FBXL20: variants seen among roughly 807,000 people sequenced by gnomAD.
FBXL20 encodes the protein F-box and leucine rich repeat protein 20, also known as F-box/LRR-repeat protein 20.
A neutral mutation model predicts 64.0 loss-of-function variants in FBXL20; 11 were observed. The ratio of observed to expected loss-of-function variants is 0.17; its 90% confidence interval spans 0.11 to 0.28. The LOEUF is 0.28. FBXL20 is among the 10% of genes least tolerant of loss of function. FBXL20 has a pLI of 1.00. For missense variants in FBXL20, 303 were observed against 526.2 expected (o/e 0.58, Z 4.15); for synonymous variants, 184 against 189.0 (o/e 0.97, Z 0.22).
At chr17:39,286,909 C>CTTT (rs35221372) in intron 6 of FBXL20, among the ~76,000 whole-genome samples, 16 of 114,554 alleles carry the variant, frequency 1.4e-4, no homozygotes, top group South Asian at 2.6e-4. Flanking sequence ...GTATCTATTT[C>CTTT]TTTTTTTTTT....
intron 2 of FBXL20, among the ~76,000 whole-genome samples, chr17:39,325,026 G>C (rs1353810036): frequency 6.6e-5 from 10 of 152,152 alleles, no homozygotes; most frequent in Non-Finnish European, 2.9e-5. Flanking sequence ...TGGAGAATAT[G>C]GCAAAACTCT....
chr17:39,351,367 A>T (rs1254677524), intron 1 of FBXL20, among the ~76,000 whole-genome samples: 4 of 151,978 alleles, frequency 2.6e-5, no homozygotes, highest in African/African-American at 9.7e-5. Context: ...GAATCCTAAA[A>T]GTAGACACAA....
At position 39,298,716 on chromosome 17, in the gene FBXL20, A is replaced by T. The variant is rs181547188; in HGVS notation, c.329+274T>A. ...GTGATAGTGTGAGACCTTGTCTCAA[A>T]ACATAAAATAAAAATATTAATTAAT... On this transcript the variant is annotated intron_variant, in intron 5 of 14. Coordinates refer to ENST00000264658, the MANE Select transcript of FBXL20 (RefSeq NM_032875.3). 5.3e-5 allele frequency among the ~76,000 whole-genome samples: 8 copies of T among 152,270 alleles called. No homozygotes were observed. In the East Asian group the frequency reaches 1.3e-3, roughly 26 times the overall value.
rs2046680214 is a variant in FBXL20, at chr17:39,254,799, A to G, written c.*6661T>C. ...CATTTTACCATGCCGATTCTTCAAA[A>G]TAAGACTATAAAACATAAAACAGAA... is the stretch of plus-strand genomic sequence containing the variant. On this transcript the variant is annotated 3_prime_UTR_variant, in exon 15 of 15. Coordinates refer to ENST00000264658, the MANE Select transcript of FBXL20 (RefSeq NM_032875.3). 1 of 154,500 alleles carries G rather than the reference A, an allele frequency of 6.5e-6. No individual in the cohort carries two copies. The highest frequency in any genetic ancestry group is 2.4e-5 in the African/African-American group (1 of 41,516). The allele number at this position is 154,500 out of a possible 1,614,324, so 9.6% of individuals were successfully genotyped here.
At chr17:39,359,387 G>A (rs2047772768) in intron 1 of FBXL20, among the ~76,000 whole-genome samples, 1 of 152,060 alleles carries the variant, frequency 6.6e-6, no homozygotes, top group Non-Finnish European at 1.5e-5. Context: ...CACTTTGGGA[G>A]GCCAAGGCGG....
chr17:39,380,916 T>C (rs1359885422), intron 1 of FBXL20, among the ~76,000 whole-genome samples: 1 of 151,952 alleles, frequency 6.6e-6, no homozygotes, highest in Non-Finnish European at 1.5e-5. Flanking sequence ...TCCCAGTACT[T>C]AGGGAAGCAG....
At chr17:39,319,247 CAA>C (rs564575646) in intron 2 of FBXL20, among the ~76,000 whole-genome samples, 2 of 143,230 alleles carry the variant, frequency 1.4e-5, no homozygotes, top group Non-Finnish European at 3.1e-5. Flanking sequence ...GACTCCATCT[CAA>C]AAAAAAAAGA....
intron 7 of FBXL20, among the ~76,000 whole-genome samples, chr17:39,284,374 T>C (rs752978776): frequency 1.7e-4 from 26 of 152,192 alleles, no homozygotes; most frequent in Non-Finnish European, 7.3e-5. Context: ...TATACTCTAC[T>C]TAACTAAATT....
chr17:39,315,816 T>TGAGAGA (rs1350670159), intron 2 of FBXL20, among the ~76,000 whole-genome samples: 2 of 61,292 alleles, frequency 3.3e-5, no homozygotes, highest in African/African-American at 1.2e-4. Flanking sequence ...TGAGAGAGAG[T>TGAGAGA]GAGAGAGAGA....
chr17:39,294,990 C>T (rs1202984340), intron 6 of FBXL20, among the ~76,000 whole-genome samples: 4 of 152,148 alleles, frequency 2.6e-5, no homozygotes, highest in Non-Finnish European at 5.9e-5. Flanking sequence ...AGTTAATGCA[C>T]TCATATGAGA....
chr17:39,347,166 T>C (rs1374879004), intron 1 of FBXL20, among the ~76,000 whole-genome samples: 14 of 152,224 alleles, frequency 9.2e-5, no homozygotes, highest in Admixed American at 9.2e-4. Flanking sequence ...TGCATGTGTC[T>C]TTATAGCAGC....
chr17:39,387,798 G>A (rs1294727178), intron 1 of FBXL20, among the ~76,000 whole-genome samples: 1 of 151,966 alleles, frequency 6.6e-6, no homozygotes, highest in East Asian at 1.9e-4. Context: ...AGCTGGTCTT[G>A]AACTCCTGGG....
intron 10 of FBXL20, among the ~76,000 whole-genome samples, chr17:39,271,459 G>T (rs1219498367): frequency 1.3e-5 from 2 of 152,014 alleles, no homozygotes; most frequent in East Asian, 1.9e-4. Context: ...TTAGTCTGGC[G>T]TGGTGGCGGG....
chr17:39,351,876 C>G (rs1201625136), intron 1 of FBXL20, among the ~76,000 whole-genome samples: 1 of 152,060 alleles, frequency 6.6e-6, no homozygotes, highest in Non-Finnish European at 1.5e-5. Flanking sequence ...TTTTAAAAAG[C>G]TAAGCAACTT....
Position 39,282,640 on chromosome 17 carries a change from T to C in FBXL20, c.621+89A>G. The C allele has an allele frequency of 3.8e-6, 6 of 1,559,484 alleles. No homozygotes were observed. The South Asian group carries it at 6.9e-5, about 18-fold the overall frequency. On this transcript the variant is annotated intron_variant, in intron 8 of 14. Transcript: ENST00000264658. Reference sequence around the variant, plus strand: ...ATAATACACACAACTAACCTTTCCCTCCAGACAAACATCTTGGGGCTGTCT... The same window carrying C: ...ATAATACACACAACTAACCTTTCCCCCCAGACAAACATCTTGGGGCTGTCT...
upstream of FBXL20, chr17:39,401,780 C>G: frequency 1.0e-6 from 1 of 990,488 alleles, no homozygotes. Context: ...CACCCCTCCC[C>G]CACACGGGGC....
chr17:39,379,127 G>A (rs899541952), intron 1 of FBXL20, among the ~76,000 whole-genome samples: 5 of 150,414 alleles, frequency 3.3e-5, no homozygotes, highest in Admixed American at 2.0e-4. Flanking sequence ...TTGGGAGGCT[G>A]AGGCAGGAGA....
Position 39,282,769 on chromosome 17 carries a change from C to A in FBXL20, c.581G>T (p.Cys194Phe). 6.2e-7 allele frequency: 1 copy of A among 1,614,176 alleles called. No individual in the cohort carries two copies. The highest frequency in any genetic ancestry group is 8.5e-7 in the Non-Finnish European group (1 of 1,180,024). ...TAAGAATAAGGCCTTGAGACCCCCA[C>A]AGCCCCTCACTAGTGCTTGAATGCC... ...KDGIQALVRGCGGLKALFLKG... is the reference protein window; with the variant it reads ...KDGIQALVRGFGGLKALFLKG... The change falls in exon 8 of 15, where the codon TGT becomes TTT. Residue 194 changes from cysteine to phenylalanine, a missense_variant. Cys to Phe is a radical substitution (Grantham distance 205, BLOSUM62 -2). This residue lies in a region of FBXL20 where 246 missense variants were observed against 422.6 expected (regional missense o/e 0.58). Coordinates refer to ENST00000264658, the MANE Select transcript of FBXL20 (RefSeq NM_032875.3).
intron 1 of FBXL20, among the ~76,000 whole-genome samples, chr17:39,363,439 G>T (rs1360509025): frequency 6.6e-6 from 1 of 152,124 alleles, no homozygotes; most frequent in Non-Finnish European, 1.5e-5. Context: ...TTACAGGTGT[G>T]AGCCACCACA....
Sources: gnomAD v4.1 joint callset for allele counts (sites outside exome capture counted in the v4.1 genomes callset) on GRCh38, gnomAD v4.1.1 for gene constraint, gnomAD v4.1.1 regional missense constraint, MANE v1.5 for transcripts, NCBI Gene and HGNC (gene_info 2026-07-23, HGNC 2026-07-21) for gene names.